IL1RAPL2: variants seen among roughly 807,000 people sequenced by gnomAD.
IL1RAPL2 encodes X-linked interleukin-1 receptor accessory protein-like 2.
Under a neutral mutation model 44.1 loss-of-function variants are expected in IL1RAPL2, and 3 were observed. The ratio of observed to expected loss-of-function variants is 0.07; its 90% CI spans 0.03 to 0.18. The LOEUF (loss-of-function observed/expected upper bound fraction) is 0.18, where lower values mean the gene tolerates loss of function less well. IL1RAPL2 is among the 10% of genes least tolerant of loss of function. The probability of loss-of-function intolerance (pLI) is 1.00; values close to 1 mark genes in which losing one functional copy is unlikely to be tolerated. For synonymous variants in IL1RAPL2, 181 were observed against 178.8 expected (o/e 1.01, Z -0.10); for missense variants, 391 against 496.4 (o/e 0.79, Z 2.02).
chrX:105,623,347 G>A (rs889955440), intron 6 of IL1RAPL2, among the ~76,000 whole-genome samples: 4 of 108,824 alleles, frequency 3.7e-5, no homozygotes, highest in Admixed American at 2.0e-4. Context: ...ACACACACAC[G>A]TATATATATA....
intron 2 of IL1RAPL2, among the ~76,000 whole-genome samples, chrX:105,027,180 A>T (rs1251734904): frequency 9.0e-6 from 1 of 111,673 alleles, no homozygotes; most frequent in Non-Finnish European, 1.9e-5. Flanking sequence ...ATCAAAATGG[A>T]ATAAAGACTT....
In IL1RAPL2 at chrX:105,260,387, G is replaced by A. The variant is rs2034348127; in HGVS notation, c.544-7001G>A. 2.7e-5 allele frequency among the ~76,000 whole-genome samples: 3 copies of A among 112,286 alleles called. No individual in the cohort carries two copies. The Admixed American group carries it at 2.8e-4, about 10-fold the overall frequency. ...TTGGGAGGTCCCGCCCAGTGAGTAG[G>A]AAAGGGATTGGGGACTCACTGAAAG... On this transcript the variant is annotated intron_variant, in intron 4 of 10. Transcript: ENST00000372582.
At chrX:105,407,527 A>G (rs2035656790) in intron 5 of IL1RAPL2, among the ~76,000 whole-genome samples, 1 of 111,928 alleles carries the variant, frequency 8.9e-6, no homozygotes, top group Non-Finnish European at 1.9e-5. Context: ...TCAGGTTTAT[A>G]AATAGCTTTA....
At chrX:105,583,764 C>T (rs141649393) in intron 6 of IL1RAPL2, among the ~76,000 whole-genome samples, 1,469 of 111,550 alleles carry the variant, frequency 0.013, 31 homozygotes, top group African/African-American at 0.045. Context: ...TCTTTATTCT[C>T]TCATTCTTTG....
intron 2 of IL1RAPL2, among the ~76,000 whole-genome samples, chrX:105,023,111 A>G (rs2031309807): frequency 9.0e-6 from 1 of 111,258 alleles, no homozygotes; most frequent in African/African-American, 3.3e-5. Context: ...TAATCACAAT[A>G]TAAGGATTAG....
In IL1RAPL2 at chrX:105,416,982, C is replaced by A. The variant is rs191683731; in HGVS notation, c.698-67331C>A. ...TTCTTGTCCCCTATTCCATGTCTTG[C>A]AGATCTAGCTCAGTTTTGTAAATTG... On this transcript the variant is annotated intron_variant, in intron 5 of 10. Transcript: ENST00000372582. Among the ~76,000 whole-genome samples, 557 of 112,316 alleles carry A rather than the reference C, an allele frequency of 5.0e-3. 6 individuals carry two copies. The highest frequency in any genetic ancestry group is 0.017 in the African/African-American group (537 of 30,925).
chrX:104,840,777 C>T (rs1472411964), intron 2 of IL1RAPL2, among the ~76,000 whole-genome samples: 8 of 109,727 alleles, frequency 7.3e-5, no homozygotes, highest in Non-Finnish European at 1.1e-4. Flanking sequence ...TGGGTTCAAG[C>T]GATTTTCCTG....
chrX:104,894,965 G>T (rs1464658334), intron 2 of IL1RAPL2, among the ~76,000 whole-genome samples: 1 of 112,477 alleles, frequency 8.9e-6, no homozygotes, highest in African/African-American at 3.2e-5. Context: ...TGGGGATTCT[G>T]TGTGGATGTC....
chrX:105,547,007 C>T (rs1226468526), intron 6 of IL1RAPL2, among the ~76,000 whole-genome samples: 2 of 111,673 alleles, frequency 1.8e-5, no homozygotes, highest in East Asian at 5.6e-4. Flanking sequence ...CCTCCAGTCC[C>T]TCGTGCACAA....
intron 6 of IL1RAPL2, among the ~76,000 whole-genome samples, chrX:105,495,039 A>C (rs1428695003): frequency 8.9e-6 from 1 of 112,532 alleles, no homozygotes; most frequent in East Asian, 2.8e-4. Context: ...GGTTTCTAGC[A>C]AGGTGGAAAA....
chrX:104,825,929 T>C (rs1275214463), intron 2 of IL1RAPL2, among the ~76,000 whole-genome samples: 2 of 111,708 alleles, frequency 1.8e-5, no homozygotes, highest in African/African-American at 3.3e-5. Context: ...GACATGTTTA[T>C]GCATGCTTGA....
chrX:104,585,286 A>T (rs868268856), intron 1 of IL1RAPL2, among the ~76,000 whole-genome samples: 8 of 22,210 alleles, frequency 3.6e-4, no homozygotes, highest in Non-Finnish European at 5.2e-4. Context: ...TATATTATAT[A>T]ATATATTATA....
intron 3 of IL1RAPL2, among the ~76,000 whole-genome samples, chrX:105,215,174 C>G (rs56411831): frequency 0.029 from 3,262 of 111,823 alleles, 114 homozygotes; most frequent in African/African-American, 0.1. Context: ...AATCCAGGAG[C>G]TGATTTTTTG....
chrX:105,107,744 T>C (rs955243079), intron 2 of IL1RAPL2, among the ~76,000 whole-genome samples: 7 of 111,646 alleles, frequency 6.3e-5, no homozygotes, highest in African/African-American at 2.3e-4. Flanking sequence ...CAATAAAAGG[T>C]CAAATCTGGC....
intron 5 of IL1RAPL2, among the ~76,000 whole-genome samples, chrX:105,379,888 T>C (rs1602385226): frequency 8.9e-6 from 1 of 112,118 alleles, no homozygotes; most frequent in African/African-American, 3.2e-5. Context: ...TCTGAGATTC[T>C]GAATCATTTA....
chrX:104,674,492 G>A (rs1373716804), intron 2 of IL1RAPL2, among the ~76,000 whole-genome samples: 1 of 111,708 alleles, frequency 9.0e-6, no homozygotes, highest in Non-Finnish European at 1.9e-5. Flanking sequence ...TTCTGGATTC[G>A]TTTTGCCAGT....
At chrX:105,096,062 G>C (rs115678817) in intron 2 of IL1RAPL2, among the ~76,000 whole-genome samples, 1 of 111,344 alleles carries the variant, frequency 9.0e-6, no homozygotes, top group Non-Finnish European at 1.9e-5. Flanking sequence ...AAGATCTACA[G>C]ATCAACAATA....
intron 2 of IL1RAPL2, among the ~76,000 whole-genome samples, chrX:104,879,458 G>A (rs1344119837): frequency 9.4e-6 from 1 of 106,454 alleles, no homozygotes; most frequent in Non-Finnish European, 1.9e-5. Flanking sequence ...CAATATTAAT[G>A]AGAAAGTCAA....
chrX:105,362,910 A>G (rs7056514), intron 5 of IL1RAPL2, among the ~76,000 whole-genome samples: 13,762 of 109,730 alleles, frequency 0.13, 2,119 homozygotes, highest in African/African-American at 0.43. Context: ...ATACATTATT[A>G]TTAACTGTGG....
Sources: allele counts gnomAD v4.1 joint callset (sites outside exome capture counted in the v4.1 genomes callset), GRCh38; gene constraint gnomAD v4.1.1; transcripts MANE v1.5; gene names NCBI Gene and HGNC (gene_info 2026-07-23, HGNC 2026-07-21).